The following NALF1 variants were observed in gnomAD, a reference collection of about 807,000 sequenced individuals.
The protein encoded by NALF1 is NALCN channel auxiliary factor 1.
NALF1 carries 3 observed loss-of-function variants against 48.4 expected under a neutral mutation model. That is an observed-to-expected ratio of 0.06 (90% CI 0.03 to 0.16). The LOEUF (loss-of-function observed/expected upper bound fraction) is 0.16. Among genes scored for constraint, NALF1 ranks in the 10% least tolerant of loss-of-function variants. The pLI, the probability that NALF1 is intolerant of heterozygous loss-of-function variation, is 1.00. For missense variants in NALF1, 526 were observed against 571.5 expected, an observed-to-expected ratio of 0.92 and a Z score of 0.81; for synonymous variants, 262 against 245.7, an observed-to-expected ratio of 1.07 and a Z score of -0.62.
chr13:107,493,961 C>T (rs186681229), intron 1 of NALF1, among the ~76,000 whole-genome samples: 39 of 152,154 alleles, frequency 2.6e-4, no homozygotes, highest in African/African-American at 8.9e-4. Context: ...TTAGAGAAAA[C>T]GATGGTCTGT....
At chr13:107,543,545 C>T (rs893462660) in intron 1 of NALF1, among the ~76,000 whole-genome samples, 1 of 151,950 alleles carries the variant, frequency 6.6e-6, no homozygotes, top group African/African-American at 2.4e-5. Flanking sequence ...AGTTGCATCC[C>T]AATAAACCCA....
chr13:107,443,086 C>A (rs764885034), intron 1 of NALF1, among the ~76,000 whole-genome samples: 3 of 152,138 alleles, frequency 2.0e-5, no homozygotes, highest in African/African-American at 4.8e-5. Context: ...AAAGAACATG[C>A]AGCAAATTTA....
At chr13:107,189,199 A>G (rs1027002579) in intron 2 of NALF1, among the ~76,000 whole-genome samples, 42 of 152,234 alleles carry the variant, frequency 2.8e-4, no homozygotes, top group Admixed American at 2.6e-3. Flanking sequence ...CAATATTCCT[A>G]AAGTTTTCCA....
intron 1 of NALF1, among the ~76,000 whole-genome samples, chr13:107,809,322 T>A (rs893972747): frequency 6.6e-6 from 1 of 152,066 alleles, no homozygotes; most frequent in Non-Finnish European, 1.5e-5. Flanking sequence ...TCTTGTGCAA[T>A]CGTTGCTTTC....
At chr13:107,814,741 G>A (rs1879113282) in intron 1 of NALF1, among the ~76,000 whole-genome samples, 2 of 152,016 alleles carry the variant, frequency 1.3e-5, no homozygotes, top group Non-Finnish European at 2.9e-5. Flanking sequence ...AATTGGACAT[G>A]GCAATACTCT....
At chr13:107,753,845 T>C (rs1380328144) in intron 1 of NALF1, among the ~76,000 whole-genome samples, 4 of 152,126 alleles carry the variant, frequency 2.6e-5, no homozygotes, top group Non-Finnish European at 4.4e-5. Context: ...AAAAAGCTAA[T>C]GGTACAAATA....
intron 1 of NALF1, among the ~76,000 whole-genome samples, chr13:107,784,060 T>A (rs887760160): frequency 6.6e-6 from 1 of 152,062 alleles, no homozygotes; most frequent in Non-Finnish European, 1.5e-5. Context: ...CCAAGAGCCA[T>A]GAAGAGGTGC....
intron 1 of NALF1, among the ~76,000 whole-genome samples, chr13:107,251,805 T>C (rs1017137837): frequency 8.5e-5 from 13 of 152,234 alleles, no homozygotes; most frequent in Admixed American, 3.9e-4. Flanking sequence ...TGAGATCACA[T>C]ATGCCTGTTA....
intron 2 of NALF1, among the ~76,000 whole-genome samples, chr13:107,208,456 G>C (rs1879689032): frequency 6.6e-6 from 1 of 152,192 alleles, no homozygotes; most frequent in African/African-American, 2.4e-5. Flanking sequence ...AATGTGTATG[G>C]AGGAAGTGGG....
intron 2 of NALF1, among the ~76,000 whole-genome samples, chr13:107,177,613 C>T (rs534110631): frequency 6.6e-6 from 1 of 152,194 alleles, no homozygotes; most frequent in South Asian, 2.1e-4. Flanking sequence ...AAGTCATTTT[C>T]GACAAAGGTG....
intron 1 of NALF1, among the ~76,000 whole-genome samples, chr13:107,792,314 TA>T (rs1184700331): frequency 6.6e-6 from 1 of 152,190 alleles, no homozygotes; most frequent in African/African-American, 2.4e-5. Context: ...TGACATTTAG[TA>T]AAATTATAAT....
rs1436532000 is a variant in NALF1, at chr13:107,362,065, G to C, written c.916-151310C>G. On this transcript the variant is annotated intron_variant, in intron 1 of 2. Transcript: ENST00000375915. This position sits in a 1 kb window ranked among gnomAD's most constrained non-coding sequence, Gnocchi z 4.6. ...CTAGTAAACAGAAGTCGCACTGCCA[G>C]CCTGCAGTGCATAGGTAGAGATGGG... is the stretch of plus-strand genomic sequence containing the variant. Among the ~76,000 whole-genome samples the C allele has an allele frequency of 6.6e-6, 1 of 152,128 alleles. No homozygotes were observed. The highest frequency in any genetic ancestry group is 1.9e-4 in the East Asian group (1 of 5,184).
intron 1 of NALF1, among the ~76,000 whole-genome samples, chr13:107,512,738 T>A (rs1875936466): frequency 6.6e-6 from 1 of 152,126 alleles, no homozygotes; most frequent in Non-Finnish European, 1.5e-5. Context: ...TTCTGGTTCA[T>A]CAGGTCATTG....
intron 1 of NALF1, among the ~76,000 whole-genome samples, chr13:107,769,312 T>C (rs1877508629): frequency 6.7e-6 from 1 of 148,850 alleles, no homozygotes; most frequent in South Asian, 2.2e-4. Flanking sequence ...AATGATAGAC[T>C]GGATTAAGAA....
intron 1 of NALF1, among the ~76,000 whole-genome samples, chr13:107,600,034 T>A (rs1878878669): frequency 6.6e-6 from 1 of 152,194 alleles, no homozygotes; most frequent in African/African-American, 2.4e-5. Context: ...ACTAGATAAA[T>A]ATCTCAGTTG....
intron 1 of NALF1, among the ~76,000 whole-genome samples, chr13:107,325,737 G>A (rs1356423576): frequency 1.3e-5 from 2 of 150,532 alleles, no homozygotes; most frequent in Non-Finnish European, 3.0e-5. Flanking sequence ...GTTACTGGGG[G>A]CGCTGAGGTA....
At chr13:107,608,364 G>T (rs533828563) in intron 1 of NALF1, among the ~76,000 whole-genome samples, 9 of 152,310 alleles carry the variant, frequency 5.9e-5, no homozygotes, top group South Asian at 2.1e-4. Flanking sequence ...AGAATCTACA[G>T]ATAATTCCAG....
intron 1 of NALF1, among the ~76,000 whole-genome samples, chr13:107,219,964 T>C (rs905661370): frequency 6.6e-6 from 1 of 152,216 alleles, no homozygotes; most frequent in Non-Finnish European, 1.5e-5. Flanking sequence ...TATAATGCTT[T>C]TGGTATGTAT....
intron 1 of NALF1, among the ~76,000 whole-genome samples, chr13:107,764,658 C>T (rs535578532): frequency 6.6e-6 from 1 of 152,236 alleles, no homozygotes; most frequent in East Asian, 1.9e-4. Flanking sequence ...TCTGTGTTGT[C>T]AAGCGTGGAA....
Sources: gnomAD v4.1 joint callset for allele counts (sites outside exome capture counted in the v4.1 genomes callset) on GRCh38, gnomAD v4.1.1 for gene constraint, Gnocchi (gnomAD v3.1) non-coding constraint, MANE v1.5 for transcripts, NCBI Gene and HGNC (gene_info 2026-07-23, HGNC 2026-07-21) for gene names.